KLF12: variants seen among roughly 807,000 people sequenced by gnomAD.
The protein encoded by KLF12 is Krueppel-like factor 12.
Under a neutral mutation model 37.8 loss-of-function variants are expected in KLF12, and 9 were observed. The ratio of observed to expected loss-of-function variants is 0.24; its 90% CI spans 0.14 to 0.42. KLF12 has a LOEUF of 0.42. Among genes scored for constraint, KLF12 ranks in the 10% least tolerant of loss-of-function variants. The pLI is 1.00. For synonymous variants in KLF12, 208 were observed against 202.1 expected (o/e 1.03, Z -0.25); for missense variants, 411 against 516.0 (o/e 0.80, Z 1.97).
At chr13:74,247,264 A>C in the KLF12 span, among the ~76,000 whole-genome samples, 1 of 152,350 alleles carries the variant, frequency 6.6e-6, no homozygotes, top group South Asian at 2.1e-4. Flanking sequence ...AGACAATACA[A>C]GATGAAATAA....
At position 73,757,799 on chromosome 13, in the gene KLF12, C is replaced by A. The variant is rs1594055835; in HGVS notation, c.869+7139G>T. ...GACAGCCATGGATTATAATTGATAG[C>A]CAATTTTTTCAGCCCAAATATATCC... On this transcript the variant is annotated intron_variant, in intron 6 of 7. Transcript: ENST00000377669. Among the ~76,000 whole-genome samples, 5 of 152,188 alleles carry A rather than the reference C, an allele frequency of 3.3e-5. No individual in the cohort carries two copies. In the South Asian group the frequency reaches 1.0e-3, roughly 32 times the overall value.
intron 1 of KLF12, among the ~76,000 whole-genome samples, chr13:74,073,090 C>T (rs1056039278): frequency 1.3e-5 from 2 of 152,294 alleles, no homozygotes; most frequent in African/African-American, 2.4e-5. Context: ...CACGTTAAGA[C>T]GTGTCTTTGC....
chr13:74,273,524 A>G, the KLF12 span, among the ~76,000 whole-genome samples: 4 of 151,460 alleles, frequency 2.6e-5, no homozygotes, highest in South Asian at 8.3e-4. Context: ...GAATTTTGCA[A>G]TGGTTGTGTG....
chr13:73,921,042 C>T lies in KLF12; in HGVS notation c.123+22939G>A, dbSNP rs78932598. ...GATAGGAAAGGAGAGAGAGCAGACA[C>T]CACACCCATAACTCAGACTTTGTCC... On this transcript the variant is annotated intron_variant, in intron 3 of 7. Transcript: ENST00000377669. Among the ~76,000 whole-genome samples the T allele has an allele frequency of 7.2e-5, 11 of 152,200 alleles. No homozygotes were observed. In the East Asian group the frequency reaches 1.9e-3, roughly 27 times the overall value.
At chr13:73,961,573 G>C (rs1891021803) in intron 2 of KLF12, among the ~76,000 whole-genome samples, 1 of 152,092 alleles carries the variant, frequency 6.6e-6, no homozygotes, top group African/African-American at 2.4e-5. Context: ...GACAACTCTA[G>C]GAGTTAAAAA....
intron 3 of KLF12, among the ~76,000 whole-genome samples, chr13:73,939,999 G>C (rs1040357506): frequency 6.6e-6 from 1 of 152,162 alleles, no homozygotes; most frequent in African/African-American, 2.4e-5. Context: ...TGAGGGCATA[G>C]AGGCCTGGAG....
chr13:73,897,012 T>C (rs138714027), intron 3 of KLF12, among the ~76,000 whole-genome samples: 354 of 152,310 alleles, frequency 2.3e-3, no homozygotes, highest in African/African-American at 7.3e-3. Flanking sequence ...GCAAAACTAA[T>C]GGTGACTTTC....
At chr13:74,036,349 T>G (rs1267183014) in intron 1 of KLF12, among the ~76,000 whole-genome samples, 2 of 152,134 alleles carry the variant, frequency 1.3e-5, no homozygotes, top group African/African-American at 4.8e-5. Context: ...AAAAATTGAT[T>G]GTTAATAAAC....
chr13:73,922,487 A>T (rs1346655022), intron 3 of KLF12, among the ~76,000 whole-genome samples: 1 of 152,212 alleles, frequency 6.6e-6, no homozygotes, highest in Middle Eastern at 3.2e-3. Context: ...GTGTGACATG[A>T]ATCTTATGTG....
At chr13:73,894,732 G>C (rs148912809) in intron 3 of KLF12, among the ~76,000 whole-genome samples, 1 of 152,224 alleles carries the variant, frequency 6.6e-6, no homozygotes, top group East Asian at 1.9e-4. Context: ...GTGCTAGGAG[G>C]TTGTTGGCTT....
the KLF12 span, among the ~76,000 whole-genome samples, chr13:74,155,977 C>T: frequency 6.6e-6 from 1 of 152,162 alleles, no homozygotes; most frequent in African/African-American, 2.4e-5. Context: ...TTCCGCATGG[C>T]CTGTCATCTC....
intron 4 of KLF12, among the ~76,000 whole-genome samples, chr13:73,826,084 T>C (rs1883824526): frequency 6.6e-6 from 1 of 152,122 alleles, no homozygotes; most frequent in African/African-American, 2.4e-5. Flanking sequence ...GCTATTCTCC[T>C]GCCTCATCCT....
At chr13:74,256,878 C>T in the KLF12 span, 1 of 152,180 alleles carries the variant, frequency 6.6e-6, no homozygotes, top group East Asian at 1.9e-4. Flanking sequence ...TCCCTGAAGA[C>T]ATATTTTCAT....
chr13:73,962,533 C>T (rs1276109186), intron 2 of KLF12, among the ~76,000 whole-genome samples: 1 of 152,176 alleles, frequency 6.6e-6, no homozygotes, highest in East Asian at 1.9e-4. Flanking sequence ...AAATGTACCA[C>T]TGTCGTGCAG....
At chr13:74,220,860 C>G in the KLF12 span, among the ~76,000 whole-genome samples, 2 of 152,164 alleles carry the variant, frequency 1.3e-5, no homozygotes, top group African/African-American at 4.8e-5. Flanking sequence ...TCTTTTTAAA[C>G]GCCGAATAGC....
At chr13:73,877,128 A>C (rs1670494424) in intron 3 of KLF12, among the ~76,000 whole-genome samples, 1 of 152,124 alleles carries the variant, frequency 6.6e-6, no homozygotes, top group Non-Finnish European at 1.5e-5. Flanking sequence ...TTCTTTCAGC[A>C]GTTATTCTCA....
At chr13:73,783,645 A>C (rs1303190917) in intron 5 of KLF12, among the ~76,000 whole-genome samples, 2 of 152,140 alleles carry the variant, frequency 1.3e-5, no homozygotes, top group Admixed American at 1.3e-4. Flanking sequence ...GCAATTTTCT[A>C]TTTTACTAAT....
chr13:74,303,642 C>T, the KLF12 span, among the ~76,000 whole-genome samples: 1 of 152,000 alleles, frequency 6.6e-6, no homozygotes, highest in East Asian at 1.9e-4. Context: ...TACTGAACAC[C>T]TCTTTTGTGG....
intron 5 of KLF12, among the ~76,000 whole-genome samples, chr13:73,793,897 G>A (rs942400768): frequency 6.6e-6 from 1 of 152,172 alleles, no homozygotes; most frequent in Admixed American, 6.5e-5. Context: ...AATGACAAAG[G>A]ACAACTGGTG....
Sources: allele counts gnomAD v4.1 joint callset (sites outside exome capture counted in the v4.1 genomes callset), GRCh38; gene constraint gnomAD v4.1.1; transcripts MANE v1.5; gene names NCBI Gene and HGNC (gene_info 2026-07-23, HGNC 2026-07-21).